TMCO4: variants seen among roughly 807,000 people sequenced by gnomAD.
TMCO4 encodes transmembrane and coiled-coil domain-containing protein 4.
In TMCO4, 58 loss-of-function variants were observed where a neutral mutation model predicts 64.7. That is an observed-to-expected ratio of 0.90 (90% CI 0.73 to 1.12). The LOEUF (loss-of-function observed/expected upper bound fraction) is 1.12. Among genes scored for constraint, TMCO4 ranks in the 50% most tolerant of loss-of-function variants. TMCO4 has a pLI of 0.00. For missense variants in TMCO4, 780 were observed against 825.9 expected (o/e 0.94, Z 0.68); for synonymous variants, 325 against 346.1 (o/e 0.94, Z 0.68).
At chr1:19,688,203 C>A (rs1268991788) in intron 15 of TMCO4, among the ~76,000 whole-genome samples, 7 of 152,142 alleles carry the variant, frequency 4.6e-5, no homozygotes, top group African/African-American at 1.4e-4. Flanking sequence ...CATAACCTGT[C>A]ATCGTCACAT....
chr1:19,693,180 A>C (rs1198953182), intron 15 of TMCO4, among the ~76,000 whole-genome samples: 15 of 140,024 alleles, frequency 1.1e-4, no homozygotes, highest in East Asian at 1.0e-3. Flanking sequence ...AAAAAAAAAA[A>C]AAAAAAAAAA....
intron 2 of TMCO4, among the ~76,000 whole-genome samples, chr1:19,792,007 CTT>C (rs2044066506): frequency 6.6e-6 from 1 of 152,168 alleles, no homozygotes; most frequent in South Asian, 2.1e-4. Flanking sequence ...GATCTGATGA[CTT>C]TTCGCTCGGT....
At chr1:19,788,487 G>C (rs2043853685) in intron 2 of TMCO4, among the ~76,000 whole-genome samples, 1 of 152,020 alleles carries the variant, frequency 6.6e-6, no homozygotes, top group Admixed American at 6.6e-5. Flanking sequence ...ATTGGATTCT[G>C]GATGATTTTA....
rs10917530 is a variant in TMCO4, at chr1:19,739,715, T to C, written c.1179+109A>G. ...AGGACTGCCCACACCCCCAAAACCA[T>C]TGAGTTATCTCCAAGTAGCCTTGCC... On this transcript the variant is annotated intron_variant, in intron 12 of 15. Coordinates refer to ENST00000294543, the MANE Select transcript of TMCO4 (RefSeq NM_181719.7). The C allele has an allele frequency of 3.0e-4, 454 of 1,489,066 alleles. No individual in the cohort carries two copies. In the African/African-American group the frequency reaches 5.4e-3, roughly 18 times the overall value. The allele number at this position is 1,489,066 out of a possible 1,614,324, so 92.2% of individuals were successfully genotyped here.
chr1:19,715,572 C>T (rs1346638565), intron 13 of TMCO4, among the ~76,000 whole-genome samples: 5 of 152,162 alleles, frequency 3.3e-5, no homozygotes, highest in East Asian at 3.9e-4. Flanking sequence ...GAAAACAAGA[C>T]GGATATAACT....
chr1:19,708,265 AT>A (rs5772862), intron 13 of TMCO4, among the ~76,000 whole-genome samples: 40,149 of 151,666 alleles, frequency 0.26, 5,387 homozygotes, highest in African/African-American at 0.3. Flanking sequence ...AATTTAGATA[AT>A]TTCTGTTTCT....
intron 1 of TMCO4, among the ~76,000 whole-genome samples, chr1:19,799,016 C>T (rs557975839): frequency 1.3e-5 from 2 of 151,704 alleles, no homozygotes; most frequent in Non-Finnish European, 2.9e-5. Context: ...GCTCCTAATT[C>T]CCAGTGCAAC....
At chr1:19,729,363 G>T (rs1320841588) in intron 13 of TMCO4, among the ~76,000 whole-genome samples, 1 of 151,654 alleles carries the variant, frequency 6.6e-6, no homozygotes, top group Non-Finnish European at 1.5e-5. Context: ...GTCCAGGCTG[G>T]TCTCAAACTC....
intron 15 of TMCO4, among the ~76,000 whole-genome samples, chr1:19,685,285 CGCT>C (rs2095137617): frequency 6.6e-6 from 1 of 152,124 alleles, no homozygotes; most frequent in African/African-American, 2.4e-5. Flanking sequence ...CTGATTGTGC[CGCT>C]GCACTCCAGT....
intron 13 of TMCO4, among the ~76,000 whole-genome samples, chr1:19,716,381 CT>C (rs1262772167): frequency 0.012 from 1,506 of 124,460 alleles, 15 homozygotes; most frequent in South Asian, 0.07. Context: ...TTTTTTCTTT[CT>C]TTTTTTTTTT....
chr1:19,683,161 G>C lies in TMCO4; in HGVS notation c.1784C>G (p.Ser595Cys). ...TTCAGGGCTGGCAGCAGCAGGAAGG[G>C]AGGCCCCTTCAGACTGGTCCAGCCC... ...PVGLDQSEGA[S>C]LPAAASPERP... Residue 595 changes from serine (S) to cysteine (C), a missense_variant, in exon 16 of 16, where the codon TCC becomes TGC. By Grantham distance (112) the Ser-to-Cys change is moderately radical. Transcript: ENST00000294543. The C allele has an allele frequency of 6.2e-7, 1 of 1,614,214 alleles. No individual in the cohort carries two copies. The highest frequency in any genetic ancestry group is 8.5e-7 in the Non-Finnish European group (1 of 1,180,026).
intron 6 of TMCO4, among the ~76,000 whole-genome samples, chr1:19,760,109 C>A (rs1277460198): frequency 1.3e-5 from 2 of 152,186 alleles, no homozygotes; most frequent in African/African-American, 2.4e-5. Flanking sequence ...CCTCTCTCCT[C>A]CTCTCAGTGG....
chr1:19,744,695 C>T (rs2041683987), intron 10 of TMCO4, among the ~76,000 whole-genome samples: 1 of 152,126 alleles, frequency 6.6e-6, no homozygotes, highest in South Asian at 2.1e-4. Context: ...ACCTGCTGTC[C>T]CTTTGCTTGG....
In TMCO4 at chr1:19,734,942, C is replaced by T. The variant is rs924777666; in HGVS notation, c.1264+2430G>A. Among the ~76,000 whole-genome samples, 4 of 152,128 alleles carry T rather than the reference C, an allele frequency of 2.6e-5. No homozygotes were observed. The highest frequency in any genetic ancestry group is 2.1e-4 in the South Asian group (1 of 4,824). On this transcript the variant is annotated intron_variant, in intron 13 of 15. Coordinates refer to ENST00000294543, the MANE Select transcript of TMCO4 (RefSeq NM_181719.7). The surrounding 1 kb of genome is among the most constrained non-coding windows in gnomAD (Gnocchi z 4.4). Reference sequence around the variant, plus strand: ...AGTGCTTGGAACACAGCCTGGCACCCGGTGGATCTGCACTAGCTCGTGGGC... The same window carrying T: ...AGTGCTTGGAACACAGCCTGGCACCTGGTGGATCTGCACTAGCTCGTGGGC...
intron 4 of TMCO4, among the ~76,000 whole-genome samples, chr1:19,773,734 G>A (rs1425862100): frequency 6.6e-6 from 1 of 152,174 alleles, no homozygotes; most frequent in Non-Finnish European, 1.5e-5. Flanking sequence ...GTTGGTTGAG[G>A]ATGAAGTGAG....
chr1:19,770,655 G>T, intron 5 of TMCO4, 86 bp from the exon 6 acceptor site: 1 of 1,404,970 alleles, frequency 7.1e-7, no homozygotes, highest in Non-Finnish European at 9.8e-7. Context: ...CCTACCAAGT[G>T]GCAGAACAAG....
intron 4 of TMCO4, among the ~76,000 whole-genome samples, chr1:19,779,080 C>T (rs780663972): frequency 3.3e-5 from 5 of 152,198 alleles, no homozygotes; most frequent in Non-Finnish European, 7.3e-5. Flanking sequence ...AAACCCCAAA[C>T]AGCTAAGACC....
intron 15 of TMCO4, among the ~76,000 whole-genome samples, chr1:19,691,098 G>T (rs1341955901): frequency 6.6e-6 from 1 of 152,074 alleles, no homozygotes; most frequent in African/African-American, 2.4e-5. Flanking sequence ...TCGATCTCCT[G>T]ACCTCGTGAT....
At chr1:19,797,861 C>CAA (rs554180355) in intron 2 of TMCO4, among the ~76,000 whole-genome samples, 2 of 44,290 alleles carry the variant, frequency 4.5e-5, no homozygotes, top group Admixed American at 5.5e-4. Flanking sequence ...GAGACTCTGT[C>CAA]AAAAAAAAAA....
Sources: allele counts gnomAD v4.1 joint callset (sites outside exome capture counted in the v4.1 genomes callset), GRCh38; gene constraint gnomAD v4.1.1; non-coding constraint Gnocchi (gnomAD v3.1); transcripts MANE v1.5; gene names NCBI Gene and HGNC (gene_info 2026-07-23, HGNC 2026-07-21).